The following FBXO16 variants were observed in gnomAD, a reference collection of about 807,000 sequenced individuals.
FBXO16 encodes F-box protein 16.
In FBXO16, 31 loss-of-function variants were observed where a neutral mutation model predicts 41.0. The ratio of observed to expected loss-of-function variants is 0.76; its 90% CI spans 0.57 to 1.02. The LOEUF (loss-of-function observed/expected upper bound fraction) is 1.02. FBXO16 is among the 50% of genes least tolerant of loss of function. The pLI, the probability that FBXO16 is intolerant of heterozygous loss-of-function variation, is 0.00. For missense variants in FBXO16, 361 were observed against 346.2 expected (o/e 1.04, Z -0.34); for synonymous variants, 133 against 117.8 (o/e 1.13, Z -0.84).
At chr8:28,458,465 G>A (rs1331015409) in intron 4 of FBXO16, among the ~76,000 whole-genome samples, 2 of 151,742 alleles carry the variant, frequency 1.3e-5, no homozygotes, top group Non-Finnish European at 2.9e-5. Context: ...AGAATTCAAT[G>A]GAGAGATGGA....
At chr8:28,445,250 T>C (rs1441236242) in intron 7 of FBXO16, among the ~76,000 whole-genome samples, 4 of 152,216 alleles carry the variant, frequency 2.6e-5, no homozygotes, top group Non-Finnish European at 5.9e-5. Context: ...CTGCTTAATG[T>C]ACCCTGGTTT....
rs531539826 is a variant in FBXO16 at position 28,430,775 on chromosome 8, A to C, written c.844-1372T>G. Among the ~76,000 whole-genome samples the C allele has an allele frequency of 9.2e-5, 14 of 152,302 alleles. No homozygotes were observed. In the South Asian group the frequency reaches 2.9e-3, roughly 32 times the overall value. On this transcript the variant is annotated intron_variant, in intron 7 of 8. Transcript: ENST00000380254. The stretch of plus-strand genomic sequence containing the variant: ...TCACCTGAGATCAGGAGTTGAGACC[A>C]GCCTGGCCAACATGGTGAAACCCTG...
intron 1 of FBXO16, among the ~76,000 whole-genome samples, chr8:28,484,375 G>A (rs1803567229): frequency 6.6e-6 from 1 of 152,102 alleles, no homozygotes; most frequent in African/African-American, 2.4e-5. Context: ...AGTTTATTGG[G>A]GGAAACTTGC....
At chr8:28,451,214 T>C (rs1345524395) in intron 6 of FBXO16, among the ~76,000 whole-genome samples, 1 of 152,192 alleles carries the variant, frequency 6.6e-6, no homozygotes, top group African/African-American at 2.4e-5. Flanking sequence ...TGGGGAGAGC[T>C]GAAGAGTCAC....
rs1304629740 is a variant in FBXO16, at chr8:28,428,739, AG to A, written c.870-4del. On this transcript the variant is annotated splice_polypyrimidine_tract_variant and splice_region_variant and intron_variant, in intron 8 of 8. Coordinates refer to ENST00000380254, the MANE Select transcript of FBXO16 (RefSeq NM_172366.4). ...GGAGAGCTGGCACTTAGGGACATCT[AG>A]AAAGGAAAAAGGAATCATGAAAGCG... is the stretch of plus-strand genomic sequence containing the variant. The A allele has an allele frequency of 2.0e-6, 3 of 1,528,452 alleles. No individual in the cohort carries two copies. Among genetic ancestry groups the A allele is most frequent in the Non-Finnish European group, 2.6e-6 (3 of 1,142,708 alleles). The allele number at this position is 1,528,452 out of a possible 1,614,324, so 94.7% of individuals were successfully genotyped here. A position where few individuals can be genotyped will look rare whatever the true frequency, so the allele number is the denominator to read the frequency against.
At chr8:28,449,282 G>C (rs1377057138) in intron 6 of FBXO16, among the ~76,000 whole-genome samples, 1 of 149,972 alleles carries the variant, frequency 6.7e-6, no homozygotes, top group South Asian at 2.1e-4. Context: ...AAATGCTGAA[G>C]TGACATGTAG....
At chr8:28,446,570 G>T (rs1052697890) in intron 7 of FBXO16, among the ~76,000 whole-genome samples, 1 of 151,400 alleles carries the variant, frequency 6.6e-6, no homozygotes, top group Non-Finnish European at 1.5e-5. Context: ...AAGAACCACT[G>T]ATAAAAAAAT....
At chr8:28,446,389 G>C (rs1023666770) in intron 7 of FBXO16, among the ~76,000 whole-genome samples, 2 of 150,790 alleles carry the variant, frequency 1.3e-5, no homozygotes, top group East Asian at 2.0e-4. Flanking sequence ...CCCAGGCTGC[G>C]CTCGAATCCC....
At position 28,465,512 on chromosome 8, in the gene FBXO16, G is replaced by A. The variant is rs374899738; in HGVS notation, c.136-1694C>T. 129 of 360,640 alleles carry A rather than the reference G, an allele frequency of 3.6e-4. 1 individual carries two copies. Among genetic ancestry groups the A allele is most frequent in the African/African-American group, 2.6e-3 (121 of 46,450 alleles). 22.3% of individuals were successfully genotyped at this position (360,640 alleles called of 1,614,324 possible). A position where few individuals can be genotyped will look rare whatever the true frequency, so the allele number is the denominator to read the frequency against. ...CGCCTGTGGTCCCAGCTACTCAGGA[G>A]GCTGAGGTGGGAGAATTGCTTGAGC... On this transcript the variant is annotated intron_variant, in intron 3 of 8. Transcript: ENST00000380254.
At chr8:28,478,366 T>C (rs1170041627) in intron 2 of FBXO16, among the ~76,000 whole-genome samples, 4 of 152,172 alleles carry the variant, frequency 2.6e-5, no homozygotes, top group African/African-American at 9.7e-5. Context: ...AGAGCCGCCT[T>C]GCCCAAGGTC....
At chr8:28,462,347 C>T (rs1177308319) in intron 4 of FBXO16, among the ~76,000 whole-genome samples, 2 of 150,334 alleles carry the variant, frequency 1.3e-5, no homozygotes, top group Admixed American at 6.7e-5. Flanking sequence ...GGCGCATTCT[C>T]GGCTTACTGC....
chr8:28,451,159 A>G (rs1324213614), intron 6 of FBXO16, among the ~76,000 whole-genome samples: 1 of 152,150 alleles, frequency 6.6e-6, no homozygotes, highest in Non-Finnish European at 1.5e-5. Flanking sequence ...GAGCTCCACC[A>G]GGAAACCCCA....
rs574346744 is a variant in FBXO16 at position 28,446,203 on chromosome 8, A to G, written c.843+968T>C. Among the ~76,000 whole-genome samples the G allele has an allele frequency of 1.0e-4, 7 of 69,566 alleles. No homozygotes were observed. The East Asian group carries it at 2.9e-3, about 28-fold the overall frequency. 45.6% of individuals were successfully genotyped at this position (69,566 alleles called of 152,430 possible). A position where few individuals can be genotyped will look rare whatever the true frequency, so the allele number is the denominator to read the frequency against. ...TTTTTTTTTTTTTTTTTTTTTTGAG[A>G]CAGAGTCTCACGCTGTTGCCCAGCC... On this transcript the variant is annotated intron_variant, in intron 7 of 8. Transcript: ENST00000380254.
rs56197407 is a variant in FBXO16, at chr8:28,487,392, ATT to A, written c.-17+2792_-17+2793del. On this transcript the variant is annotated intron_variant, in intron 1 of 8. Coordinates refer to ENST00000380254, the MANE Select transcript of FBXO16 (RefSeq NM_172366.4). The stretch of plus-strand genomic sequence containing the variant: ...CCATTTGCTACTATTAAGAAGACAG[ATT>A]TTTTTTTTTTTTTTTTTTGAGATGA... 2.1e-3 allele frequency among the ~76,000 whole-genome samples: 261 copies of A among 125,668 alleles called. 4 individuals are homozygous for A. The highest frequency in any genetic ancestry group is 0.012 in the South Asian group (46 of 3,932). The allele number at this position is 125,668 out of a possible 152,430, so 82.4% of individuals were successfully genotyped here.
At chr8:28,444,520 C>T (rs981358160) in intron 7 of FBXO16, among the ~76,000 whole-genome samples, 3 of 144,726 alleles carry the variant, frequency 2.1e-5, no homozygotes, top group Non-Finnish European at 4.5e-5. Context: ...TGCTCTGTTG[C>T]CCTGGCTGGA....
chr8:28,457,956 G>T (rs1037422537), intron 4 of FBXO16, among the ~76,000 whole-genome samples: 1 of 152,044 alleles, frequency 6.6e-6, no homozygotes, highest in Non-Finnish European at 1.5e-5. Flanking sequence ...TTTACCCAAG[G>T]GTTTGAATAA....
intron 4 of FBXO16, among the ~76,000 whole-genome samples, chr8:28,462,317 C>T (rs1451675239): frequency 4.7e-5 from 7 of 147,482 alleles, no homozygotes; most frequent in Admixed American, 7.0e-5. Flanking sequence ...CTCGCTCTGT[C>T]GCTCAGGCTG....
rs1431211029 is a variant in FBXO16, at chr8:28,428,508, C to A, written c.*219G>T. The A allele has an allele frequency of 4.0e-6, 6 of 1,494,894 alleles. No individual in the cohort carries two copies. The African/African-American group carries it at 8.5e-5, about 21-fold the overall frequency. The allele number at this position is 1,494,894 out of a possible 1,614,324, so 92.6% of individuals were successfully genotyped here. ...TCTAATGGGAGCCAAGTAAATTCAG[C>A]TCTCCACTGTGCAAAGCATCTTGTC... is the stretch of plus-strand genomic sequence containing the variant. On this transcript the variant is annotated 3_prime_UTR_variant, in exon 9 of 9. Transcript: ENST00000380254.
chr8:28,436,672 C>A (rs1304872703), intron 7 of FBXO16, among the ~76,000 whole-genome samples: 1 of 152,164 alleles, frequency 6.6e-6, no homozygotes, highest in Non-Finnish European at 1.5e-5. Flanking sequence ...AAAAAATTGG[C>A]TTCCAGTGTA....
Sources: allele counts gnomAD v4.1 joint callset (sites outside exome capture counted in the v4.1 genomes callset), GRCh38; gene constraint gnomAD v4.1.1; transcripts MANE v1.5; gene names NCBI Gene and HGNC (gene_info 2026-07-23, HGNC 2026-07-21).